The following TSBP1 variants were observed in gnomAD, a reference collection of about 807,000 sequenced individuals.
TSBP1 encodes the protein testis-expressed basic protein 1.
Under a neutral mutation model 68.8 loss-of-function variants are expected in TSBP1, and 56 were observed. The observed-to-expected ratio is 0.81, with a 90% CI of 0.66 to 1.02. The LOEUF (loss-of-function observed/expected upper bound fraction) is 1.02. Ranked by LOEUF, TSBP1 falls within the 50% of genes least tolerant of loss-of-function variation. TSBP1 has a pLI of 0.00. For synonymous variants in TSBP1, 171 were observed against 208.7 expected, an observed-to-expected ratio of 0.82 and a Z score of 1.56; for missense variants, 502 against 641.2, an observed-to-expected ratio of 0.78 and a Z score of 2.34.
intron 9 of TSBP1, among the ~76,000 whole-genome samples, chr6:32,341,716 A>G (rs1770380573): frequency 6.6e-6 from 1 of 152,172 alleles, no homozygotes; most frequent in Non-Finnish European, 1.5e-5. Flanking sequence ...AAGGATAGGT[A>G]TTGGTTGGAT....
chr6:32,317,268 A>T (rs1767063309), intron 18 of TSBP1, among the ~76,000 whole-genome samples: 1 of 152,200 alleles, frequency 6.6e-6, no homozygotes, highest in African/African-American at 2.4e-5. Flanking sequence ...CAGAAGATTG[A>T]AGCTGGACTC....
At chr6:32,332,423 C>T (rs1769142889) in intron 14 of TSBP1, among the ~76,000 whole-genome samples, 1 of 152,136 alleles carries the variant, frequency 6.6e-6, no homozygotes, top group African/African-American at 2.4e-5. Context: ...TGTTCTTTCA[C>T]TAAAATCTTT....
chr6:32,333,922 C>A lies in TSBP1; in HGVS notation c.472+1515G>T. 5.0e-6 allele frequency: 1 copy of A among 200,672 alleles called. No homozygotes were observed. Among genetic ancestry groups the A allele is most frequent in the Admixed American group, 5.9e-5 (1 of 16,830 alleles). The allele number at this position is 200,672 out of a possible 1,614,324, so 12.4% of individuals were successfully genotyped here. A position where few individuals can be genotyped will look rare whatever the true frequency, so the allele number is the denominator to read the frequency against. ...GAAGATGGCTTTCCAGATCTGGATA[C>A]CCTTGGCTATGAGCAGTAAACCAGT... On this transcript the variant is annotated intron_variant, in intron 14 of 22. Transcript: ENST00000612031. The surrounding 1 kb of genome is among the most constrained non-coding windows in gnomAD (Gnocchi z 4.2).
intron 9 of TSBP1, among the ~76,000 whole-genome samples, chr6:32,349,195 CT>C (rs9279592): frequency 0.26 from 34,365 of 134,196 alleles, 3,756 homozygotes; most frequent in Non-Finnish European, 0.28. Context: ...CCATTTCTTT[CT>C]TTTTTTTTTT....
intron 9 of TSBP1, among the ~76,000 whole-genome samples, chr6:32,342,692 T>G (rs955537634): frequency 2.6e-5 from 4 of 152,230 alleles, no homozygotes; most frequent in African/African-American, 9.6e-5. Flanking sequence ...AAGTGATTTT[T>G]TAGTAGGTCT....
At chr6:32,330,099 G>A (rs537806270) in intron 16 of TSBP1, among the ~76,000 whole-genome samples, 1 of 152,340 alleles carries the variant, frequency 6.6e-6, no homozygotes, top group East Asian at 1.9e-4. Context: ...AGGACATGAG[G>A]AAAGAGAAAG....
In TSBP1 at chr6:32,316,326, C is replaced by A; in HGVS notation, c.560-534G>T. The A allele has an allele frequency of 7.7e-7, 1 of 1,293,194 alleles. No individual in the cohort carries two copies. The highest frequency in any genetic ancestry group is 2.0e-5 in the Admixed American group (1 of 48,972). 80.1% of individuals were successfully genotyped at this position (1,293,194 alleles called of 1,614,324 possible). ...CAAGGGAATAATGGGAACCACAAAT[C>A]ACTTTGACAGAAGTGAAGTGAAGGG... On this transcript the variant is annotated intron_variant, in intron 18 of 22. Transcript: ENST00000612031. The surrounding 1 kb of genome is among the most constrained non-coding windows in gnomAD (Gnocchi z 4.5).
Position 32,336,043 on chromosome 6 carries a change from C to T in TSBP1, c.431-111G>A, listed in dbSNP as rs1006902158. Reference sequence around the variant, plus strand: ...TAGGGAGTATCATAAATAGAAACAACGGGAAGATCAAGAGTTGCTTGTATG... The same window carrying T: ...TAGGGAGTATCATAAATAGAAACAATGGGAAGATCAAGAGTTGCTTGTATG... On this transcript the variant is annotated intron_variant, in intron 12 of 22. Transcript: ENST00000612031. The surrounding 1 kb of genome is among the most constrained non-coding windows in gnomAD (Gnocchi z 5.2). 1.4e-5 allele frequency: 13 copies of T among 936,472 alleles called. No homozygotes were observed. Among genetic ancestry groups the T allele is most frequent in the African/African-American group, 4.8e-5 (3 of 61,976 alleles). 58.0% of individuals were successfully genotyped at this position (936,472 alleles called of 1,614,324 possible). A position where few individuals can be genotyped will look rare whatever the true frequency, so the allele number is the denominator to read the frequency against.
At chr6:32,303,718 G>C (rs987560672) in intron 19 of TSBP1, among the ~76,000 whole-genome samples, 1 of 152,132 alleles carries the variant, frequency 6.6e-6, no homozygotes, top group African/African-American at 2.4e-5. Context: ...TTCAAGGAGG[G>C]GAAGTCAGAA....
rs1326647954 is a variant in TSBP1, at chr6:32,357,996, C to G, written c.218-2327G>C. On this transcript the variant is annotated intron_variant, in intron 6 of 22. Transcript: ENST00000612031. The surrounding 1 kb of genome is among the most constrained non-coding windows in gnomAD (Gnocchi z 4.7). ...AGGAACACCTTTTCCTAATATGCACCAAAGCAACCTGTAGGCTACTGGAGG... is the reference window on the plus strand; with the variant it reads ...AGGAACACCTTTTCCTAATATGCACGAAAGCAACCTGTAGGCTACTGGAGG... Among the ~76,000 whole-genome samples the G allele has an allele frequency of 1.5e-4, 23 of 152,106 alleles. No homozygotes were observed. The highest frequency in any genetic ancestry group is 1.5e-3 in the Admixed American group (23 of 15,276).
In TSBP1 at chr6:32,335,795, T is replaced by C. The variant is rs1769583370; in HGVS notation, c.451+117A>G. 1 of 813,134 alleles carries C rather than the reference T, an allele frequency of 1.2e-6. No individual in the cohort carries two copies. The highest frequency in any genetic ancestry group is 2.0e-6 in the Non-Finnish European group (1 of 489,920). 50.4% of individuals were successfully genotyped at this position (813,134 alleles called of 1,614,324 possible). On this transcript the variant is annotated intron_variant, in intron 13 of 22. Transcript: ENST00000612031. This position sits in a 1 kb window ranked among gnomAD's most constrained non-coding sequence, Gnocchi z 5.5. ...ATGCTAGGTTGAAGAAAAATAAGGG[T>C]TGAAGAAAATGTGAACTCCAAACCC...
intron 4 of TSBP1, among the ~76,000 whole-genome samples, chr6:32,367,012 C>G (rs1283140560): frequency 6.6e-6 from 1 of 151,618 alleles, no homozygotes; most frequent in Non-Finnish European, 1.5e-5. Flanking sequence ...GTTACTTTCT[C>G]TTTTCTTTCC....
chr6:32,348,470 A>G (rs1400206719), intron 9 of TSBP1, among the ~76,000 whole-genome samples: 1 of 128,260 alleles, frequency 7.8e-6, no homozygotes, highest in African/African-American at 2.6e-5. Flanking sequence ...TAAGTCTGAT[A>G]TTTTATATTA....
intron 16 of TSBP1, chr6:32,324,606 A>T (rs1028199630): frequency 1.4e-6 from 2 of 1,474,236 alleles, no homozygotes; most frequent in African/African-American, 3.8e-5. Flanking sequence ...CTTGGACTCC[A>T]CTAGAGACCG....
At chr6:32,345,526 G>GTT (rs9281745) in intron 9 of TSBP1, among the ~76,000 whole-genome samples, 30,954 of 147,806 alleles carry the variant, frequency 0.21, 4,162 homozygotes, top group African/African-American at 0.36. Flanking sequence ...TACTCTGCCT[G>GTT]TTTTTTTTTT....
intron 6 of TSBP1, chr6:32,356,798 A>T (rs1262399362): frequency 1.3e-5 from 2 of 154,400 alleles, no homozygotes; most frequent in East Asian, 1.9e-4. Context: ...GAAATGCCGA[A>T]CATTTTAATA....
At chr6:32,347,832 T>C (rs545513028) in intron 9 of TSBP1, among the ~76,000 whole-genome samples, 1 of 152,218 alleles carries the variant, frequency 6.6e-6, no homozygotes, top group Non-Finnish European at 1.5e-5. Context: ...CTTGGTGTTC[T>C]TTCTGCCTGA....
rs1770197357 is a variant in TSBP1, at chr6:32,340,428, T to C, written c.350-790A>G. ...ATTTGGGAAGAGATGTCTGTTTTTCTATGTGGTATTTTAGGCCGTCAATCA... is the reference window on the plus strand; with the variant it reads ...ATTTGGGAAGAGATGTCTGTTTTTCCATGTGGTATTTTAGGCCGTCAATCA... On this transcript the variant is annotated intron_variant, in intron 9 of 22. Transcript: ENST00000612031. This position sits in a 1 kb window ranked among gnomAD's most constrained non-coding sequence, Gnocchi z 4.8. Among the ~76,000 whole-genome samples, 1 of 152,208 alleles carries C rather than the reference T, an allele frequency of 6.6e-6. No individual in the cohort carries two copies.
intron 9 of TSBP1, among the ~76,000 whole-genome samples, chr6:32,341,917 T>C (rs1770403393): frequency 1.3e-5 from 2 of 152,164 alleles, no homozygotes; most frequent in African/African-American, 4.8e-5. Context: ...TGAAAACTTT[T>C]GTAGGAAAAG....
Sources: allele counts gnomAD v4.1 joint callset (sites outside exome capture counted in the v4.1 genomes callset), GRCh38; gene constraint gnomAD v4.1.1; non-coding constraint Gnocchi (gnomAD v3.1); transcripts MANE v1.5; gene names NCBI Gene and HGNC (gene_info 2026-07-23, HGNC 2026-07-21).